APPBP2: variants seen among roughly 807,000 people sequenced by gnomAD.
APPBP2 encodes the protein amyloid protein-binding protein 2.
A neutral mutation model predicts 76.0 loss-of-function variants in APPBP2; 15 were observed. That is an observed-to-expected ratio of 0.20 (90% CI 0.13 to 0.30). APPBP2 has a LOEUF of 0.30. Ranked by LOEUF, APPBP2 falls within the 10% of genes least tolerant of loss-of-function variation. The pLI, the probability that APPBP2 is intolerant of heterozygous loss-of-function variation, is 1.00. For missense variants in APPBP2, 401 were observed against 687.2 expected, an observed-to-expected ratio of 0.58 and a Z score of 4.66; for synonymous variants, 222 against 242.2, an observed-to-expected ratio of 0.92 and a Z score of 0.77.
intron 12 of APPBP2, among the ~76,000 whole-genome samples, chr17:60,448,041 T>A (rs1021168420): frequency 5.9e-5 from 9 of 152,188 alleles, no homozygotes; most frequent in African/African-American, 2.2e-4. Context: ...AATTTTCTCG[T>A]CTAAAGAAGT....
chr17:60,516,313 T>C (rs1462701799), intron 1 of APPBP2, among the ~76,000 whole-genome samples: 5 of 152,234 alleles, frequency 3.3e-5, no homozygotes, highest in African/African-American at 1.2e-4. Context: ...AGTTTTTTCG[T>C]TCAATTTTTG....
At position 60,462,008 on chromosome 17, in the gene APPBP2, T is replaced by C. The variant is rs773567465; in HGVS notation, c.816A>G (p.Ala272=). ...TAATCACCTACCGTGCCAAATACAC[T>C]GCATGTTTAATTAACTGTTCTGCCT... ...FKKAEQLIKH[A]VYLARDHFGS... Residue 272 remains alanine (A), a synonymous_variant, in exon 7 of 13, where the codon GCA becomes GCG. Transcript: ENST00000083182. 4.3e-6 allele frequency: 7 copies of C among 1,613,380 alleles called. No homozygotes were observed. The highest frequency in any genetic ancestry group is 5.9e-6 in the Non-Finnish European group (7 of 1,179,546).
intron 1 of APPBP2, among the ~76,000 whole-genome samples, chr17:60,505,410 C>T (rs1342285432): frequency 6.6e-6 from 1 of 152,198 alleles, no homozygotes; most frequent in Non-Finnish European, 1.5e-5. Context: ...CCGCCTCCCG[C>T]GTTCACGCCA....
intron 11 of APPBP2, among the ~76,000 whole-genome samples, 165 bp from the exon 12 acceptor site, chr17:60,452,210 A>G (rs1372196161): frequency 1.3e-5 from 2 of 152,260 alleles, no homozygotes; most frequent in East Asian, 3.8e-4. Flanking sequence ...TATGGGAAGC[A>G]TTACAGAGTT....
At chr17:60,509,318 G>A in intron 1 of APPBP2, among the ~76,000 whole-genome samples, 1 of 151,922 alleles carries the variant, frequency 6.6e-6, no homozygotes, top group African/African-American at 2.4e-5. Context: ...GGCGGAGGTT[G>A]TAGTGAGCCG....
intron 2 of APPBP2, 60 bp downstream of exon 2, chr17:60,500,339 C>T (rs148688077): frequency 4.1e-5 from 50 of 1,204,824 alleles, no homozygotes; most frequent in African/African-American, 4.0e-4. Context: ...CCACTCAATT[C>T]GGTTAAAATG....
rs1268497367 is a variant in APPBP2, at chr17:60,526,180, G to C, written c.-249C>G. On this transcript the variant is annotated 5_prime_UTR_variant, in exon 1 of 13. Transcript: ENST00000083182. ...GCCAGGCCAAAAGCGTCACAATCCC[G>C]GTTCGAGAGGAACCCGGGTTCCGTC... The C allele has an allele frequency of 2.0e-6, 1 of 496,468 alleles. No homozygotes were observed. The highest frequency in any genetic ancestry group is 3.4e-5 in the Admixed American group (1 of 29,846). The allele number at this position is 496,468 out of a possible 1,614,324, so 30.8% of individuals were successfully genotyped here. A position where few individuals can be genotyped will look rare whatever the true frequency, so the allele number is the denominator to read the frequency against.
intron 5 of APPBP2, among the ~76,000 whole-genome samples, chr17:60,465,801 A>G (rs1016962702): frequency 5.3e-5 from 8 of 152,314 alleles, no homozygotes; most frequent in African/African-American, 1.7e-4. Context: ...ACACATGTAT[A>G]TATTTCAAAT....
intron 11 of APPBP2, among the ~76,000 whole-genome samples, chr17:60,453,467 G>A (rs2090410120): frequency 6.6e-6 from 1 of 151,684 alleles, no homozygotes; most frequent in East Asian, 1.9e-4. Flanking sequence ...TTACAGACAT[G>A]AGCCACTGAG....
rs1019697897 is a variant in APPBP2 at position 60,447,898 on chromosome 17, A to G, written c.1505-64T>C. 57 of 1,439,666 alleles carry G rather than the reference A, an allele frequency of 4.0e-5. No individual in the cohort carries two copies. In the African/African-American group the frequency reaches 7.6e-4, roughly 19 times the overall value. The allele number at this position is 1,439,666 out of a possible 1,614,324, so 89.2% of individuals were successfully genotyped here. A position where few individuals can be genotyped will look rare whatever the true frequency, so the allele number is the denominator to read the frequency against. On this transcript the variant is annotated intron_variant, in intron 12 of 12. Coordinates refer to ENST00000083182, the MANE Select transcript of APPBP2 (RefSeq NM_006380.5). The stretch of plus-strand genomic sequence containing the variant: ...AATAATGAGATAACAAGCAATTTCT[A>G]TAACATGAACACAAGTTCAATTCTT...
intron 9 of APPBP2, among the ~76,000 whole-genome samples, chr17:60,458,348 C>T (rs2090447432): frequency 6.6e-6 from 1 of 151,790 alleles, no homozygotes; most frequent in Non-Finnish European, 1.5e-5. Context: ...ACAGGAGAAT[C>T]GCTTGAACCT....
At chr17:60,460,514 G>T in intron 9 of APPBP2, 149 bp downstream of exon 9, 1 of 747,654 alleles carries the variant, frequency 1.3e-6, no homozygotes, top group Non-Finnish European at 1.9e-6. Flanking sequence ...AACATTTTAG[G>T]CATTCTGATA....
chr17:60,456,696 C>T (rs934594591), intron 9 of APPBP2, among the ~76,000 whole-genome samples: 1 of 152,154 alleles, frequency 6.6e-6, no homozygotes, highest in African/African-American at 2.4e-5. Context: ...GCCTTCCCCT[C>T]CAGCCACACA....
rs1476470708 is a variant in APPBP2 at position 60,444,577 on chromosome 17, G to C, written c.*3004C>G. 1 of 151,922 alleles carries C rather than the reference G, an allele frequency of 6.6e-6. No homozygotes were observed. The highest frequency in any genetic ancestry group is 1.5e-5 in the Non-Finnish European group (1 of 67,982). 9.4% of individuals were successfully genotyped at this position (151,922 alleles called of 1,614,324 possible). A position where few individuals can be genotyped will look rare whatever the true frequency, so the allele number is the denominator to read the frequency against. ...ACAAGTGAAAAAATACCTGGGCAGG[G>C]GTTACTACAAAGCAATAGTGAGCCA... On this transcript the variant is annotated 3_prime_UTR_variant, in exon 13 of 13. Coordinates refer to ENST00000083182, the MANE Select transcript of APPBP2 (RefSeq NM_006380.5).
intron 1 of APPBP2, among the ~76,000 whole-genome samples, chr17:60,506,009 C>A (rs1208276929): frequency 6.7e-6 from 1 of 149,036 alleles, no homozygotes; most frequent in Non-Finnish European, 1.5e-5. Context: ...CCCTGGGAGA[C>A]AGTCTGGCCT....
At chr17:60,508,563 G>C (rs765713633) in intron 1 of APPBP2, among the ~76,000 whole-genome samples, 1 of 152,162 alleles carries the variant, frequency 6.6e-6, no homozygotes, top group Non-Finnish European at 1.5e-5. Flanking sequence ...TCAAAGACCA[G>C]AAAGGAGCTG....
chr17:60,452,866 T>G (rs926246539), intron 11 of APPBP2, among the ~76,000 whole-genome samples: 3 of 152,180 alleles, frequency 2.0e-5, no homozygotes, highest in African/African-American at 7.2e-5. Flanking sequence ...CCAGGGAGGT[T>G]GAGGCTGTAG....
In APPBP2 at chr17:60,447,383, T is replaced by G. The variant is rs1270643383; in HGVS notation, c.*198A>C. 1 of 491,586 alleles carries G rather than the reference T, an allele frequency of 2.0e-6. No homozygotes were observed. The highest frequency in any genetic ancestry group is 3.5e-6 in the Non-Finnish European group (1 of 285,578). 30.5% of individuals were successfully genotyped at this position (491,586 alleles called of 1,614,324 possible). On this transcript the variant is annotated 3_prime_UTR_variant, in exon 13 of 13. Transcript: ENST00000083182. ...TGGGCCAGACTACTTACACATGCGG[T>G]ACATGCTGAATATAACTGAATATAT...
At chr17:60,499,362 G>A (rs1420394246) in intron 2 of APPBP2, among the ~76,000 whole-genome samples, 1 of 151,156 alleles carries the variant, frequency 6.6e-6, no homozygotes, top group African/African-American at 2.4e-5. Flanking sequence ...AAAACAGTAT[G>A]ACAGTTCCTC....
Sources: gnomAD v4.1 joint callset for allele counts (sites outside exome capture counted in the v4.1 genomes callset) on GRCh38, gnomAD v4.1.1 for gene constraint, MANE v1.5 for transcripts, NCBI Gene and HGNC (gene_info 2026-07-23, HGNC 2026-07-21) for gene names.